Variants in KDM5B observed in about 807,000 individuals in gnomAD.
The protein encoded by KDM5B is lysine-specific demethylase 5B.
In KDM5B, 144 loss-of-function variants were observed where a neutral mutation model predicts 193.4. That is an observed-to-expected ratio of 0.74 (90% CI 0.65 to 0.86). KDM5B has a LOEUF of 0.86. KDM5B is among the 40% of genes least tolerant of loss of function. KDM5B has a pLI of 0.00. For missense variants in KDM5B, 1,833 were observed against 1,886.9 expected, an observed-to-expected ratio of 0.97 and a Z score of 0.53; for synonymous variants, 668 against 682.6, an observed-to-expected ratio of 0.98 and a Z score of 0.33.
intron 1 of KDM5B, among the ~76,000 whole-genome samples, chr1:202,785,852 T>C (rs1018792025): frequency 1.3e-5 from 2 of 149,600 alleles, no homozygotes; most frequent in Non-Finnish European, 3.0e-5. Context: ...GATGATGCGG[T>C]GAGCAGAGAT....
At chr1:202,791,208 T>C (rs1315690370) in intron 1 of KDM5B, among the ~76,000 whole-genome samples, 1 of 152,218 alleles carries the variant, frequency 6.6e-6, no homozygotes, top group Non-Finnish European at 1.5e-5. Flanking sequence ...AAATTTGATT[T>C]GAAAGATAAC....
chr1:202,806,481 C>T (rs1410628345), intron 1 of KDM5B: 1 of 152,208 alleles, frequency 6.6e-6, no homozygotes, highest in African/African-American at 2.4e-5. Context: ...CTAAGAGAAA[C>T]GTACTTCCCT....
At chr1:202,733,110 T>C (rs1004620723) in intron 23 of KDM5B, among the ~76,000 whole-genome samples, 1 of 152,186 alleles carries the variant, frequency 6.6e-6, no homozygotes. Flanking sequence ...ATATGTAAAA[T>C]ATAAATGGGT....
chr1:202,729,804 G>GA lies in KDM5B; in HGVS notation c.4399dup (p.Ser1467PhefsTer15). The stretch of plus-strand genomic sequence containing the variant: ...GGAATAGGATGTGTCTGAGGGCAGG[G>GA]AATGAGTTTCAGCAGAACGAACTAA... On this transcript the variant is annotated frameshift_variant, in exon 26 of 27. Coordinates refer to ENST00000367265, the MANE Select transcript of KDM5B (RefSeq NM_006618.5). LOFTEE classifies it high-confidence loss of function. The GA allele has an allele frequency of 6.2e-7, 1 of 1,614,148 alleles. No homozygotes were observed. Among genetic ancestry groups the GA allele is most frequent in the Non-Finnish European group, 8.5e-7 (1 of 1,180,010 alleles).
At position 202,773,156 on chromosome 1, in the gene KDM5B, T is replaced by A; in HGVS notation, c.538A>T (p.Asn180Tyr). ...CCGGACAGGAATAAGTTGTAGGGGTTGAGAATTCGTTCATAATGCCCTCTG... is the reference window on the plus strand; with the variant it reads ...CCGGACAGGAATAAGTTGTAGGGGTAGAGAATTCGTTCATAATGCCCTCTG... ...HIRGHYERIL[N>Y]PYNLFLSGDS... Residue 180 changes from asparagine to tyrosine, a missense_variant, in exon 4 of 27, where the codon AAC becomes TAC. Physicochemically the swap from Asn to Tyr is moderately radical, Grantham distance 143. Around this residue, in one of 3 missense-constraint regions of KDM5B, gnomAD observed 355 missense variants for 374.9 expected, o/e 0.95. Coordinates refer to ENST00000367265, the MANE Select transcript of KDM5B (RefSeq NM_006618.5). 1 of 1,612,954 alleles carries A rather than the reference T, an allele frequency of 6.2e-7. No individual in the cohort carries two copies. The highest frequency in any genetic ancestry group is 2.2e-5 in the East Asian group (1 of 44,854).
At chr1:202,755,476 G>C (rs1655972481) in intron 10 of KDM5B, 24 bp from the exon 11 acceptor site, 1 of 1,579,628 alleles carries the variant, frequency 6.3e-7, no homozygotes, top group African/African-American at 1.3e-5. Flanking sequence ...GACAAAAGAG[G>C]ATAAAGGTTT....
chr1:202,796,517 G>A (rs996554669), intron 1 of KDM5B: 2 of 186,270 alleles, frequency 1.1e-5, no homozygotes, highest in African/African-American at 2.4e-5. Flanking sequence ...CTGGTGTGCT[G>A]GTCCACCCTG....
chr1:202,801,811 A>C (rs909826384), intron 1 of KDM5B, among the ~76,000 whole-genome samples: 6 of 152,168 alleles, frequency 3.9e-5, no homozygotes, highest in African/African-American at 1.4e-4. Context: ...TTAAATAATC[A>C]AAAGTCAATG....
chr1:202,749,001 C>G lies in KDM5B; in HGVS notation c.1960G>C (p.Asp654His). 6.2e-7 allele frequency: 1 copy of G among 1,614,052 alleles called. No homozygotes were observed. The highest frequency in any genetic ancestry group is 8.5e-7 in the Non-Finnish European group (1 of 1,179,996). Residue 654 changes from aspartate (D) to histidine (H), a missense_variant, in exon 14 of 27, where the codon GAC becomes CAC. Physicochemically the swap from Asp to His is moderately conservative, Grantham distance 81. This residue lies in a region of KDM5B where 1,379 missense variants were observed against 1,349.6 expected (regional missense o/e 1.02). Transcript: ENST00000367265. ...TCATCCTCAATCATAATGGCCATGT[C>G]TTTCTGAACAGTTGAAGCCACTACA... ...DVVVASTVQKDMAIMIEDEKA... is the reference protein window; with the variant it reads ...DVVVASTVQKHMAIMIEDEKA...
chr1:202,749,737 G>T (rs1655719345), intron 13 of KDM5B, among the ~76,000 whole-genome samples: 1 of 151,182 alleles, frequency 6.6e-6, no homozygotes, highest in African/African-American at 2.4e-5. Flanking sequence ...AATCTAATTA[G>T]AAGTATGACC....
intron 20 of KDM5B, among the ~76,000 whole-genome samples, chr1:202,737,628 C>T (rs1655143632): frequency 6.6e-6 from 1 of 152,064 alleles, no homozygotes; most frequent in Non-Finnish European, 1.5e-5. Context: ...AACTTGGATG[C>T]ACCAGGGCTT....
chr1:202,769,942 C>T (rs1453516010), intron 4 of KDM5B, among the ~76,000 whole-genome samples: 2 of 152,050 alleles, frequency 1.3e-5, no homozygotes, highest in African/African-American at 2.4e-5. Context: ...ACTAATTGAG[C>T]TGAATGACAT....
intron 2 of KDM5B, among the ~76,000 whole-genome samples, chr1:202,775,862 A>G: frequency 8.2e-6 from 1 of 121,354 alleles, no homozygotes; most frequent in African/African-American, 3.0e-5. Flanking sequence ...GTCTCAAAAA[A>G]AAAAAAAAAA....
At chr1:202,750,011 TAGTACTATACAAAGCC>T (rs1655728387) in intron 13 of KDM5B, among the ~76,000 whole-genome samples, 3 of 152,204 alleles carry the variant, frequency 2.0e-5, no homozygotes, top group African/African-American at 4.8e-5. Flanking sequence ...TAATGTAAGC[TAGTACTATACAAAGCC>T]TTTAGACTGG....
At chr1:202,791,780 G>A (rs971134178) in intron 1 of KDM5B, among the ~76,000 whole-genome samples, 2 of 152,030 alleles carry the variant, frequency 1.3e-5, no homozygotes, top group African/African-American at 2.4e-5. Context: ...GTGCAGTGGC[G>A]CGATCTCGGC....
chr1:202,745,011 G>T (rs568451424), intron 16 of KDM5B, among the ~76,000 whole-genome samples: 1 of 152,300 alleles, frequency 6.6e-6, no homozygotes, highest in African/African-American at 2.4e-5. Flanking sequence ...AACATGGATG[G>T]AACTGGAGGC....
intron 4 of KDM5B, among the ~76,000 whole-genome samples, chr1:202,769,395 T>G (rs1444036298): frequency 6.7e-6 from 1 of 149,478 alleles, no homozygotes; most frequent in African/African-American, 2.4e-5. Flanking sequence ...GTTGGTCAGG[T>G]GCAGTGGCTC....
chr1:202,763,609 T>C (rs749084279), intron 6 of KDM5B, among the ~76,000 whole-genome samples: 1 of 152,202 alleles, frequency 6.6e-6, no homozygotes, highest in Non-Finnish European at 1.5e-5. Context: ...CACCTCTCAG[T>C]GACTTACATC....
chr1:202,762,495 C>A (rs1449466883), intron 7 of KDM5B, among the ~76,000 whole-genome samples: 1 of 152,222 alleles, frequency 6.6e-6, no homozygotes, highest in African/African-American at 2.4e-5. Flanking sequence ...TTACTACCAT[C>A]TTTATAGTAT....
Sources: allele counts gnomAD v4.1 joint callset (sites outside exome capture counted in the v4.1 genomes callset), GRCh38; gene constraint gnomAD v4.1.1; regional missense constraint gnomAD v4.1.1; transcripts MANE v1.5; gene names NCBI Gene and HGNC (gene_info 2026-07-23, HGNC 2026-07-21).